The following CD86 variants were observed in gnomAD, a reference collection of about 807,000 sequenced individuals.
CD86 encodes T-lymphocyte activation antigen CD86.
In CD86, 11 loss-of-function variants were observed where a neutral mutation model predicts 32.1. The ratio of observed to expected loss-of-function variants is 0.34; its 90% confidence interval spans 0.22 to 0.57. CD86 has a LOEUF of 0.57. CD86 is among the 20% of genes least tolerant of loss of function. The pLI, the probability that CD86 is intolerant of heterozygous loss-of-function variation, is 0.86. For synonymous variants in CD86, 137 were observed against 135.3 expected (o/e 1.01, Z -0.09); for missense variants, 359 against 398.4 (o/e 0.90, Z 0.84).
At chr3:122,100,404 T>A (rs999138408) in intron 2 of CD86, among the ~76,000 whole-genome samples, 3 of 152,114 alleles carry the variant, frequency 2.0e-5, no homozygotes, top group African/African-American at 7.2e-5. Flanking sequence ...AGGGAAACAG[T>A]CAATGAAGGG....
At chr3:122,063,950 G>A (rs940929374) in intron 1 of CD86, among the ~76,000 whole-genome samples, 1 of 152,128 alleles carries the variant, frequency 6.6e-6, no homozygotes, top group Non-Finnish European at 1.5e-5. Flanking sequence ...ATAAATATTG[G>A]TTTACAAAAC....
chr3:122,087,207 T>C (rs755193293), intron 1 of CD86, among the ~76,000 whole-genome samples: 4 of 152,204 alleles, frequency 2.6e-5, no homozygotes, highest in Non-Finnish European at 4.4e-5. Flanking sequence ...GGCTCCTCTT[T>C]TTAGATTTCT....
At chr3:122,103,456 G>A (rs1305503944) in intron 2 of CD86, 56 bp from the exon 3 acceptor site, 9 of 1,184,112 alleles carry the variant, frequency 7.6e-6, no homozygotes, top group Non-Finnish European at 1.1e-5. Context: ...AGAAATGGAG[G>A]TTTTTTCCCC....
chr3:122,097,519 T>C (rs1358966214), intron 2 of CD86, among the ~76,000 whole-genome samples: 1 of 152,174 alleles, frequency 6.6e-6, no homozygotes, highest in Non-Finnish European at 1.5e-5. Flanking sequence ...TTTCCCCACA[T>C]AGAGTGAGTA....
chr3:122,091,778 A>C, intron 2 of CD86, 128 bp downstream of exon 2: 2 of 737,356 alleles, frequency 2.7e-6, no homozygotes, highest in Non-Finnish European at 4.7e-6. Flanking sequence ...ACAAGACCAC[A>C]TGCAAAAAAG....
intron 2 of CD86, among the ~76,000 whole-genome samples, chr3:122,100,592 C>T (rs1225868730): frequency 1.3e-5 from 2 of 152,132 alleles, no homozygotes; most frequent in African/African-American, 4.8e-5. Flanking sequence ...GGGATAGCAG[C>T]CAGGGAACAC....
At chr3:122,117,982 C>G in intron 5 of CD86, 66 bp from the exon 6 acceptor site, 1 of 1,413,806 alleles carries the variant, frequency 7.1e-7, no homozygotes, top group African/African-American at 1.4e-5. Context: ...GAAGCCTTTT[C>G]AAACTTTCCT....
intron 4 of CD86, among the ~76,000 whole-genome samples, 182 bp downstream of exon 4, chr3:122,106,682 C>T (rs574724233): frequency 4.6e-5 from 7 of 152,222 alleles, no homozygotes; most frequent in Non-Finnish European, 7.4e-5. Context: ...CAGGAGGCTA[C>T]GAGCCTATGT....
At chr3:122,079,691 A>T (rs1033774870) in intron 1 of CD86, among the ~76,000 whole-genome samples, 4 of 152,180 alleles carry the variant, frequency 2.6e-5, no homozygotes, top group African/African-American at 9.7e-5. Flanking sequence ...TCCGAACTGT[A>T]CATTGGCTTA....
rs1015889379 is a variant in CD86, at chr3:122,103,606, A to G, written c.159A>G (p.Leu53=). Residue 53 remains leucine (L), a synonymous_variant, in exon 3 of 7, where the codon CTA becomes CTG. Coordinates refer to ENST00000330540, the MANE Select transcript of CD86 (RefSeq NM_175862.5). ...CTCAAAACCAAAGCCTGAGTGAGCTAGTAGTATTTTGGCAGGACCAGGAAA... is the reference window on the plus strand; with the variant it reads ...CTCAAAACCAAAGCCTGAGTGAGCTGGTAGTATTTTGGCAGGACCAGGAAA... ...ANSQNQSLSE[L]VVFWQDQENL... 4.3e-6 allele frequency: 7 copies of G among 1,613,902 alleles called. No individual in the cohort carries two copies. The highest frequency in any genetic ancestry group is 2.2e-5 in the South Asian group (2 of 91,066).
intron 1 of CD86, among the ~76,000 whole-genome samples, chr3:122,061,866 C>T (rs926125119): frequency 6.6e-6 from 1 of 152,114 alleles, no homozygotes; most frequent in Admixed American, 6.5e-5. Flanking sequence ...AAATAAAAGC[C>T]TATGCTCCTG....
chr3:122,121,124 C>A lies in CD86; in HGVS notation c.*1590C>A, dbSNP rs1439643794. The A allele has an allele frequency of 6.6e-6, 1 of 152,214 alleles. No homozygotes were observed. The highest frequency in any genetic ancestry group is 1.5e-5 in the Non-Finnish European group (1 of 68,042). The allele number at this position is 152,214 out of a possible 1,614,324, so 9.4% of individuals were successfully genotyped here. The stretch of plus-strand genomic sequence containing the variant: ...TGTGCAGCACAGTTTTTAATAAATG[C>A]TTGTTACATTCATTTAAAAGTCTAC... On this transcript the variant is annotated 3_prime_UTR_variant, in exon 7 of 7. Coordinates refer to ENST00000330540, the MANE Select transcript of CD86 (RefSeq NM_175862.5).
chr3:122,109,285 C>T lies in CD86; in HGVS notation c.724C>T (p.Pro242Ser). The change falls in exon 5 of 7, where the codon CCC becomes TCC. Residue 242 changes from proline (P) to serine (S), a missense_variant. Physicochemically the swap from Pro to Ser is moderately conservative, Grantham distance 74. Transcript: ENST00000330540. ...FSIELEDPQP[P>S]PDHIPWITAV... ...TGTAGAGCTTGAGGACCCTCAGCCTCCCCCAGACCACATTCCTTGGATTAC... is the reference window on the plus strand; with the variant it reads ...TGTAGAGCTTGAGGACCCTCAGCCTTCCCCAGACCACATTCCTTGGATTAC... 1 of 1,613,802 alleles carries T rather than the reference C, an allele frequency of 6.2e-7. No individual in the cohort carries two copies. The highest frequency in any genetic ancestry group is 8.5e-7 in the Non-Finnish European group (1 of 1,179,844).
chr3:122,082,940 A>C lies in CD86; in HGVS notation c.15-8661A>C, dbSNP rs2072654955. ...ATCCACTGTGGGATCAGTCTTTTAG[A>C]CAAGAATGATGCAGTTGCTGAGTCA... On this transcript the variant is annotated intron_variant, in intron 1 of 6. Transcript: ENST00000330540. Among the ~76,000 whole-genome samples the C allele has an allele frequency of 2.6e-5, 4 of 152,262 alleles. No homozygotes were observed. In the South Asian group the frequency reaches 8.3e-4, roughly 31 times the overall value.
intron 4 of CD86, among the ~76,000 whole-genome samples, chr3:122,107,794 C>T (rs868265773): frequency 2.0e-5 from 3 of 152,230 alleles, no homozygotes; most frequent in South Asian, 2.1e-4. Flanking sequence ...GAACAGCCCA[C>T]GGGGCCAGTC....
intron 1 of CD86, among the ~76,000 whole-genome samples, chr3:122,073,400 T>A (rs1177604724): frequency 1.3e-5 from 2 of 152,136 alleles, no homozygotes; most frequent in Non-Finnish European, 2.9e-5. Flanking sequence ...AAGAGTTCAT[T>A]GTGTATTTTG....
At chr3:122,056,831 A>G (rs1336566353) in intron 1 of CD86, among the ~76,000 whole-genome samples, 1 of 152,224 alleles carries the variant, frequency 6.6e-6, no homozygotes, top group South Asian at 2.1e-4. Context: ...TTCAAAATTT[A>G]TAATTTTTGT....
chr3:122,091,620 A>G lies in CD86; in HGVS notation c.34A>G (p.Ile12Val), dbSNP rs377045850. The G allele has an allele frequency of 5.6e-6, 9 of 1,612,710 alleles. No individual in the cohort carries two copies. Among genetic ancestry groups the G allele is most frequent in the East Asian group, 2.2e-5 (1 of 44,860 alleles). The change falls in exon 2 of 7, where the codon ATT becomes GTT. Residue 12 changes from isoleucine (I) to valine (V), a missense_variant. Ile to Val is a conservative substitution (Grantham distance 29, BLOSUM62 3). Coordinates refer to ENST00000330540, the MANE Select transcript of CD86 (RefSeq NM_175862.5). ...CTCTAGCACTATGGGACTGAGTAAC[A>G]TTCTCTTTGTGATGGCCTTCCTGCT... ...DPQCTMGLSN[I>V]LFVMAFLLSG...
At chr3:122,075,503 T>C (rs2072543547) in intron 1 of CD86, among the ~76,000 whole-genome samples, 1 of 152,214 alleles carries the variant, frequency 6.6e-6, no homozygotes, top group East Asian at 1.9e-4. Flanking sequence ...GGATTATTTA[T>C]AAAAAAGACA....
Sources: gnomAD v4.1 joint callset for allele counts (sites outside exome capture counted in the v4.1 genomes callset) on GRCh38, gnomAD v4.1.1 for gene constraint, MANE v1.5 for transcripts, NCBI Gene and HGNC (gene_info 2026-07-23, HGNC 2026-07-21) for gene names.